The following GRIK2 variants were observed in gnomAD, a reference collection of about 807,000 sequenced individuals.
GRIK2 encodes the protein glutamate receptor ionotropic, kainate 2.
In GRIK2, 32 loss-of-function variants were observed where a neutral mutation model predicts 100.3. That is an observed-to-expected ratio of 0.32 (90% CI 0.24 to 0.43). The LOEUF (loss-of-function observed/expected upper bound fraction) is 0.43, where lower values mean the gene tolerates loss of function less well. Ranked by LOEUF, GRIK2 falls within the 20% of genes least tolerant of loss-of-function variation. The pLI, the probability that GRIK2 is intolerant of heterozygous loss-of-function variation, is 1.00. For missense variants in GRIK2, 843 were observed against 1,114.9 expected, an observed-to-expected ratio of 0.76 and a Z score of 3.47; for synonymous variants, 417 against 389.4, an observed-to-expected ratio of 1.07 and a Z score of -0.83.
At position 101,923,160 on chromosome 6, in the gene GRIK2, A is replaced by G. The variant is rs564389458; in HGVS notation, c.1749-1441A>G. On this transcript the variant is annotated intron_variant, in intron 12 of 16. Coordinates refer to ENST00000369134, the MANE Select transcript of GRIK2 (RefSeq NM_021956.5). Reference sequence around the variant, plus strand: ...GATTTGTTTAATCTTCTGAATTTTCATATGTCAGGAACATTATTGTGAAGA... The same window carrying G: ...GATTTGTTTAATCTTCTGAATTTTCGTATGTCAGGAACATTATTGTGAAGA... Among the ~76,000 whole-genome samples the G allele has an allele frequency of 1.7e-4, 26 of 152,300 alleles. 1 individual carries two copies. In the South Asian group the frequency reaches 5.2e-3, roughly 30 times the overall value.
intron 2 of GRIK2, among the ~76,000 whole-genome samples, chr6:101,442,441 C>T (rs12211524): frequency 6.6e-5 from 10 of 151,838 alleles, no homozygotes; most frequent in Non-Finnish European, 5.9e-5. Flanking sequence ...GTCAGTGCGC[C>T]GGCTGGTTGG....
chr6:101,443,122 TA>T (rs1770173403), intron 2 of GRIK2, among the ~76,000 whole-genome samples: 1 of 152,080 alleles, frequency 6.6e-6, no homozygotes, highest in African/African-American at 2.4e-5. Flanking sequence ...TCACTATTTC[TA>T]AAAATTCAAA....
chr6:101,780,077 A>G (rs965744552), intron 7 of GRIK2, among the ~76,000 whole-genome samples: 4 of 152,176 alleles, frequency 2.6e-5, no homozygotes, highest in African/African-American at 9.7e-5. Flanking sequence ...ACTTGGTTAA[A>G]TTAGAGTTAT....
intron 6 of GRIK2, 123 bp from the exon 7 acceptor site, chr6:101,686,056 TA>T (rs1410078325): frequency 1.6e-6 from 1 of 612,562 alleles, no homozygotes; most frequent in Non-Finnish European, 2.9e-6. Flanking sequence ...TTGTGATGTT[TA>T]ACGTCACTTG....
intron 7 of GRIK2, among the ~76,000 whole-genome samples, chr6:101,711,518 G>A (rs546674299): frequency 5.1e-4 from 78 of 151,754 alleles, no homozygotes; most frequent in Admixed American, 1.1e-3. Context: ...GCAATACTTC[G>A]TATTAAAGAG....
At chr6:101,540,546 T>A (rs1411197246) in intron 2 of GRIK2, among the ~76,000 whole-genome samples, 2 of 151,604 alleles carry the variant, frequency 1.3e-5, no homozygotes, top group Non-Finnish European at 2.9e-5. Context: ...AAATGAAAAA[T>A]TAAAAAAAGG....
At chr6:101,575,873 G>T (rs992449162) in intron 2 of GRIK2, among the ~76,000 whole-genome samples, 2 of 151,908 alleles carry the variant, frequency 1.3e-5, no homozygotes, top group Admixed American at 6.6e-5. Flanking sequence ...GCATTTAAAG[G>T]TTCCTTTTTT....
At chr6:101,919,862 T>G (rs961310095) in intron 12 of GRIK2, among the ~76,000 whole-genome samples, 1 of 151,814 alleles carries the variant, frequency 6.6e-6, no homozygotes, top group Non-Finnish European at 1.5e-5. Context: ...CAATGGAAGT[T>G]TAGGATTAAG....
At chr6:101,978,915 A>G (rs922243440) in intron 14 of GRIK2, among the ~76,000 whole-genome samples, 8 of 151,964 alleles carry the variant, frequency 5.3e-5, no homozygotes, top group African/African-American at 1.4e-4. Context: ...TGGCAGACAA[A>G]TGGATATATT....
At chr6:101,747,616 T>G (rs927153400) in intron 7 of GRIK2, among the ~76,000 whole-genome samples, 1 of 152,202 alleles carries the variant, frequency 6.6e-6, no homozygotes, top group Non-Finnish European at 1.5e-5. Context: ...TACATCTTAA[T>G]TTATTGAGTC....
At chr6:101,893,512 A>T (rs1343305046) in intron 12 of GRIK2, among the ~76,000 whole-genome samples, 1 of 151,780 alleles carries the variant, frequency 6.6e-6, no homozygotes, top group Non-Finnish European at 1.5e-5. Context: ...CAACATTATT[A>T]ATTTTACTTT....
chr6:101,838,866 T>C (rs1783317379), intron 10 of GRIK2, among the ~76,000 whole-genome samples: 1 of 152,148 alleles, frequency 6.6e-6, no homozygotes, highest in Admixed American at 6.5e-5. Context: ...TTGGCCAGGC[T>C]GGTCTCAAAC....
intron 14 of GRIK2, among the ~76,000 whole-genome samples, chr6:102,023,810 G>C (rs1422547162): frequency 6.6e-6 from 1 of 151,426 alleles, no homozygotes; most frequent in East Asian, 2.0e-4. Context: ...CAGTTCAAAG[G>C]AAAGAGAGAG....
rs1771611773 is a variant in GRIK2, at chr6:101,465,755, T to G, written c.115+66363T>G. 2.6e-5 allele frequency among the ~76,000 whole-genome samples: 4 copies of G among 152,196 alleles called. No homozygotes were observed. The South Asian group carries it at 8.3e-4, about 31-fold the overall frequency. ...ATATTACTCTTCTAGCTGAGACACATCAAGCGGGACACCGATGTTATTTAT... is the reference window on the plus strand; with the variant it reads ...ATATTACTCTTCTAGCTGAGACACAGCAAGCGGGACACCGATGTTATTTAT... On this transcript the variant is annotated intron_variant, in intron 2 of 16. Coordinates refer to ENST00000369134, the MANE Select transcript of GRIK2 (RefSeq NM_021956.5).
chr6:101,634,107 A>G (rs574901498), intron 4 of GRIK2, among the ~76,000 whole-genome samples: 74 of 152,212 alleles, frequency 4.9e-4, no homozygotes, highest in African/African-American at 1.7e-3. Flanking sequence ...GATATGAGAT[A>G]TGGAGAGCAA....
intron 12 of GRIK2, among the ~76,000 whole-genome samples, chr6:101,904,158 A>G (rs140532682): frequency 1.7e-5 from 1 of 58,774 alleles, no homozygotes; most frequent in Non-Finnish European, 3.4e-5. Flanking sequence ...GCTTTAACAT[A>G]TAAGTTCACT....
chr6:101,843,630 G>A (rs1783641835), intron 10 of GRIK2, among the ~76,000 whole-genome samples: 1 of 152,118 alleles, frequency 6.6e-6, no homozygotes, highest in South Asian at 2.1e-4. Context: ...CTGTACCACA[G>A]CACAGGTCAC....
chr6:101,791,134 T>G (rs1779823157), intron 7 of GRIK2, among the ~76,000 whole-genome samples: 1 of 152,186 alleles, frequency 6.6e-6, no homozygotes, highest in South Asian at 2.1e-4. Context: ...GTCTATCAAT[T>G]TTGTTGATCC....
At chr6:101,960,973 A>C (rs971061834) in intron 14 of GRIK2, among the ~76,000 whole-genome samples, 1 of 152,134 alleles carries the variant, frequency 6.6e-6, no homozygotes, top group Non-Finnish European at 1.5e-5. Flanking sequence ...AAAGCTGGGC[A>C]GAGCTGGACC....
Sources: gnomAD v4.1 joint callset for allele counts (sites outside exome capture counted in the v4.1 genomes callset) on GRCh38, gnomAD v4.1.1 for gene constraint, MANE v1.5 for transcripts, NCBI Gene and HGNC (gene_info 2026-07-23, HGNC 2026-07-21) for gene names.